APBB2: variants seen among roughly 807,000 people sequenced by gnomAD.
The protein encoded by APBB2 is amyloid beta precursor protein binding family B member 2.
A neutral mutation model predicts 82.5 loss-of-function variants in APBB2; 38 were observed. The observed-to-expected ratio is 0.46, with a 90% CI of 0.36 to 0.60. The LOEUF (loss-of-function observed/expected upper bound fraction) is 0.60. APBB2 is among the 20% of genes least tolerant of loss of function. The probability of loss-of-function intolerance (pLI) is 0.00; values close to 1 mark genes in which losing one functional copy is unlikely to be tolerated. For synonymous variants in APBB2, 341 were observed against 368.2 expected (o/e 0.93, Z 0.85); for missense variants, 772 against 972.3 (o/e 0.79, Z 2.74).
intron 8 of APBB2, 165 bp from the exon 9 acceptor site, chr4:40,934,864 C>T (rs1268099379): frequency 4.4e-6 from 3 of 681,812 alleles, no homozygotes; most frequent in Non-Finnish European, 7.5e-6. Context: ...GGTGCAAACT[C>T]CTGTTCTTAC....
chr4:41,202,503 G>A (rs1776937484), intron 1 of APBB2, among the ~76,000 whole-genome samples: 1 of 152,030 alleles, frequency 6.6e-6, no homozygotes, highest in South Asian at 2.1e-4. Flanking sequence ...GCTTGGGAAG[G>A]AGGAAGAACG....
chr4:40,888,859 C>T (rs1217066511), intron 12 of APBB2, among the ~76,000 whole-genome samples: 1 of 152,268 alleles, frequency 6.6e-6, no homozygotes, highest in Non-Finnish European at 1.5e-5. Flanking sequence ...ATGTCACAAG[C>T]TCTGCACTTT....
At chr4:41,033,430 G>A (rs1201802091) in intron 4 of APBB2, 126 bp from the exon 5 acceptor site, 2 of 542,418 alleles carry the variant, frequency 3.7e-6, no homozygotes, top group South Asian at 3.7e-5. Flanking sequence ...GGCAGATAAT[G>A]TCCAAATTTT....
At chr4:40,938,324 T>C (rs1373832571) in intron 7 of APBB2, among the ~76,000 whole-genome samples, 1 of 152,148 alleles carries the variant, frequency 6.6e-6, no homozygotes, top group African/African-American at 2.4e-5. Flanking sequence ...TCAGAGACAG[T>C]GTGTCTAGGG....
chr4:40,866,111 C>T (rs533275091), intron 12 of APBB2, among the ~76,000 whole-genome samples: 3 of 152,194 alleles, frequency 2.0e-5, no homozygotes, highest in Admixed American at 6.5e-5. Context: ...TACGTATTTA[C>T]CCAAGATGAG....
intron 3 of APBB2, among the ~76,000 whole-genome samples, chr4:41,070,728 C>T (rs892121747): frequency 9.9e-5 from 15 of 152,138 alleles, no homozygotes; most frequent in African/African-American, 3.1e-4. Flanking sequence ...TTTTTCTGAA[C>T]TGTTAAAAAA....
intron 4 of APBB2, among the ~76,000 whole-genome samples, chr4:41,061,117 G>C (rs1729674787): frequency 6.6e-6 from 1 of 152,196 alleles, no homozygotes; most frequent in Non-Finnish European, 1.5e-5. Context: ...CAGGCAAAGA[G>C]ACTGCAGGCC....
intron 2 of APBB2, among the ~76,000 whole-genome samples, chr4:41,107,386 A>G (rs1223471877): frequency 6.6e-6 from 1 of 152,346 alleles, no homozygotes; most frequent in African/African-American, 2.4e-5. Flanking sequence ...ATATTCATTG[A>G]AAAAATAATG....
intron 12 of APBB2, among the ~76,000 whole-genome samples, chr4:40,841,757 C>T (rs1479417437): frequency 1.3e-5 from 2 of 152,182 alleles, no homozygotes; most frequent in African/African-American, 4.8e-5. Flanking sequence ...TGGCTCACCG[C>T]AACCACTGCC....
intron 6 of APBB2, among the ~76,000 whole-genome samples, chr4:41,006,332 A>G (rs931879874): frequency 6.6e-6 from 1 of 152,242 alleles, no homozygotes; most frequent in Non-Finnish European, 1.5e-5. Flanking sequence ...TTCCTGTCGC[A>G]TTATGGAACT....
chr4:40,909,896 CACA>C (rs1246116134), intron 10 of APBB2, among the ~76,000 whole-genome samples: 1 of 152,170 alleles, frequency 6.6e-6, no homozygotes, highest in Non-Finnish European at 1.5e-5. Flanking sequence ...AACATGTTTT[CACA>C]ACAACACTAC....
intron 12 of APBB2, among the ~76,000 whole-genome samples, chr4:40,840,544 C>T (rs1250105288): frequency 6.6e-6 from 1 of 152,172 alleles, no homozygotes; most frequent in African/African-American, 2.4e-5. Flanking sequence ...GCAGGCATCA[C>T]TAATTTCACA....
intron 1 of APBB2, among the ~76,000 whole-genome samples, chr4:41,179,761 ATATTTAACACAGCTGGCT>A (rs543572951): frequency 6.6e-6 from 1 of 152,366 alleles, no homozygotes; most frequent in East Asian, 1.9e-4. Context: ...GATTCTGTGA[ATATTTAACACAGCTGGCT>A]TTATTTAAAA....
intron 5 of APBB2, among the ~76,000 whole-genome samples, chr4:41,031,252 A>T (rs1218496731): frequency 1.3e-5 from 2 of 152,066 alleles, no homozygotes; most frequent in African/African-American, 4.8e-5. Context: ...ATAAATAAAT[A>T]AATAAATTCT....
chr4:41,198,328 C>T, intron 1 of APBB2, among the ~76,000 whole-genome samples: 1 of 152,230 alleles, frequency 6.6e-6, no homozygotes, highest in Non-Finnish European at 1.5e-5. Flanking sequence ...AACATGTACA[C>T]TTACTGGCTA....
At chr4:40,935,337 G>C (rs1371362173) in intron 7 of APBB2, 198 bp from the exon 8 acceptor site, 1 of 521,682 alleles carries the variant, frequency 1.9e-6, no homozygotes, top group Non-Finnish European at 3.3e-6. Flanking sequence ...GAGGGCAGGA[G>C]AGTGATGGTG....
chr4:40,872,045 C>G (rs1765648015), intron 12 of APBB2, among the ~76,000 whole-genome samples: 1 of 152,230 alleles, frequency 6.6e-6, no homozygotes, highest in Admixed American at 6.5e-5. Context: ...TTCCCCAACC[C>G]TTGAAGTGAG....
chr4:40,909,586 T>A (rs10010651), intron 10 of APBB2, among the ~76,000 whole-genome samples: 2 of 152,250 alleles, frequency 1.3e-5, no homozygotes, highest in East Asian at 3.9e-4. Context: ...TTTTTATCAA[T>A]GGAAAATTTG....
intron 5 of APBB2, 113 bp downstream of exon 5, chr4:41,033,123 T>A (rs1375652949): frequency 1.2e-6 from 1 of 810,142 alleles, no homozygotes; most frequent in Non-Finnish European, 2.0e-6. Context: ...AACAATGAAA[T>A]TAAAAAACAT....
Sources: gnomAD v4.1 joint callset for allele counts (sites outside exome capture counted in the v4.1 genomes callset) on GRCh38, gnomAD v4.1.1 for gene constraint, MANE v1.5 for transcripts, NCBI Gene and HGNC (gene_info 2026-07-23, HGNC 2026-07-21) for gene names.